Variants in FUBP3 observed in about 807,000 individuals in gnomAD.
FUBP3 encodes the protein far upstream element binding protein 3.
A neutral mutation model predicts 85.6 loss-of-function variants in FUBP3; 28 were observed. That is an observed-to-expected ratio of 0.33 (90% CI 0.24 to 0.45). The LOEUF is 0.45. Ranked by LOEUF, FUBP3 falls within the 20% of genes least tolerant of loss-of-function variation. The probability of loss-of-function intolerance (pLI) is 1.00; values close to 1 mark genes in which losing one functional copy is unlikely to be tolerated. For synonymous variants in FUBP3, 271 were observed against 271.4 expected (o/e 1.00, Z 0.01); for missense variants, 583 against 755.1 (o/e 0.77, Z 2.67).
intron 12 of FUBP3, among the ~76,000 whole-genome samples, chr9:130,629,085 T>C (rs980460827): frequency 2.6e-5 from 4 of 152,210 alleles, no homozygotes; most frequent in Non-Finnish European, 4.4e-5. Context: ...CTATTCTTTA[T>C]TGCTCCCCAA....
chr9:130,623,432 T>C (rs1242441153), intron 10 of FUBP3, among the ~76,000 whole-genome samples, 179 bp from the exon 11 acceptor site: 2 of 152,196 alleles, frequency 1.3e-5, no homozygotes, highest in Non-Finnish European at 2.9e-5. Flanking sequence ...TGCAAAACAA[T>C]ATAATGACAC....
At chr9:130,591,486 A>G (rs1262656083) in intron 1 of FUBP3, among the ~76,000 whole-genome samples, 4 of 152,102 alleles carry the variant, frequency 2.6e-5, no homozygotes, top group Non-Finnish European at 1.5e-5. Context: ...TAATTCTATT[A>G]GGCATTTAAA....
intron 1 of FUBP3, among the ~76,000 whole-genome samples, chr9:130,583,610 T>G (rs1830221267): frequency 6.6e-6 from 1 of 152,208 alleles, no homozygotes; most frequent in Admixed American, 6.5e-5. Context: ...TACACTCATT[T>G]TAGCTTTCAT....
intron 12 of FUBP3, among the ~76,000 whole-genome samples, chr9:130,629,610 T>C (rs903135359): frequency 9.2e-4 from 139 of 151,220 alleles, no homozygotes; most frequent in African/African-American, 3.2e-3. Context: ...AAGCTTGGAG[T>C]GTTTGGAGGA....
chr9:130,623,605 C>G lies in FUBP3; in HGVS notation c.875-6C>G, dbSNP rs559087762. ...TTCTAATCCTGTCTCTCACCTGGCT[C>G]CTCAGATGATGGGATTAGTCCAGAA... On this transcript the variant is annotated splice_polypyrimidine_tract_variant and splice_region_variant and intron_variant, in intron 10 of 18. Transcript: ENST00000319725. The G allele has an allele frequency of 5.0e-6, 8 of 1,587,134 alleles. No individual in the cohort carries two copies. In the South Asian group the frequency reaches 5.5e-5, roughly 11 times the overall value.
At chr9:130,613,742 A>G (rs1831866098) in intron 5 of FUBP3, among the ~76,000 whole-genome samples, 1 of 152,200 alleles carries the variant, frequency 6.6e-6, no homozygotes, top group African/African-American at 2.4e-5. Flanking sequence ...TTTAAGAAGC[A>G]AATTTTTTCA....
chr9:130,616,626 TGCAG>T lies in FUBP3; in HGVS notation c.567+110_567+113del. On this transcript the variant is annotated intron_variant, in intron 7 of 18. Coordinates refer to ENST00000319725, the MANE Select transcript of FUBP3 (RefSeq NM_003934.2). This position sits in a 1 kb window ranked among gnomAD's most constrained non-coding sequence, Gnocchi z 4.7. ...GCATTCCCTGGCTGGGCTGGCTTTGTGCAGCATTGTGCTGAGGCTTCCTTCCTCC... is the reference window on the plus strand; with the variant it reads ...GCATTCCCTGGCTGGGCTGGCTTTGTCATTGTGCTGAGGCTTCCTTCCTCC... 1 of 998,282 alleles carries T rather than the reference TGCAG, an allele frequency of 1.0e-6. No homozygotes were observed. The highest frequency in any genetic ancestry group is 1.5e-6 in the Non-Finnish European group (1 of 660,124). The allele number at this position is 998,282 out of a possible 1,614,324, so 61.8% of individuals were successfully genotyped here. A position where few individuals can be genotyped will look rare whatever the true frequency, so the allele number is the denominator to read the frequency against.
At chr9:130,603,024 G>A (rs994338262) in intron 2 of FUBP3, among the ~76,000 whole-genome samples, 1 of 152,082 alleles carries the variant, frequency 6.6e-6, no homozygotes, top group African/African-American at 2.4e-5. Context: ...AGAATCCCAA[G>A]GTAACAAAGG....
chr9:130,631,670 C>T lies in FUBP3; in HGVS notation c.1352+40C>T, dbSNP rs1349498340. 9 of 1,476,156 alleles carry T rather than the reference C, an allele frequency of 6.1e-6. No individual in the cohort carries two copies. In the Admixed American group the frequency reaches 6.7e-5, roughly 11 times the overall value. The allele number at this position is 1,476,156 out of a possible 1,614,324, so 91.4% of individuals were successfully genotyped here. A position where few individuals can be genotyped will look rare whatever the true frequency, so the allele number is the denominator to read the frequency against. On this transcript the variant is annotated intron_variant, in intron 14 of 18. Coordinates refer to ENST00000319725, the MANE Select transcript of FUBP3 (RefSeq NM_003934.2). ...TCAGTCTTGCCTGGGAGAATTCACT[C>T]GCTCCCCAGAGATCCCCTGTCGTTT...
At position 130,635,886 on chromosome 9, in the gene FUBP3, C is replaced by T. The variant is rs111500845; in HGVS notation, c.1583-113C>T. On this transcript the variant is annotated intron_variant, in intron 17 of 18. Coordinates refer to ENST00000319725, the MANE Select transcript of FUBP3 (RefSeq NM_003934.2). The surrounding 1 kb of genome is among the most constrained non-coding windows in gnomAD (Gnocchi z 4.3). ...AGCCTCACCTCACTGCCTCCCAGAC[C>T]TCCCTGCCTTCCAGCCGTCCGGAGG... 188 of 1,127,424 alleles carry T rather than the reference C, an allele frequency of 1.7e-4. 2 individuals carry two copies. In the African/African-American group the frequency reaches 2.6e-3, roughly 16 times the overall value. 69.8% of individuals were successfully genotyped at this position (1,127,424 alleles called of 1,614,324 possible). A position where few individuals can be genotyped will look rare whatever the true frequency, so the allele number is the denominator to read the frequency against.
intron 3 of FUBP3, among the ~76,000 whole-genome samples, 174 bp downstream of exon 3, chr9:130,610,161 G>T (rs1260336810): frequency 6.6e-6 from 1 of 152,174 alleles, no homozygotes; most frequent in Non-Finnish European, 1.5e-5. Flanking sequence ...TCAGCTCAGG[G>T]ATAAACTAAT....
intron 12 of FUBP3, among the ~76,000 whole-genome samples, chr9:130,628,708 T>G (rs1229129698): frequency 6.6e-6 from 1 of 152,176 alleles, no homozygotes; most frequent in Admixed American, 6.5e-5. Context: ...GCTGGTAGGG[T>G]TCCCTCGAGT....
At chr9:130,614,240 G>A (rs1831890225) in intron 5 of FUBP3, 48 bp from the exon 6 acceptor site, 1 of 1,212,122 alleles carries the variant, frequency 8.2e-7, no homozygotes, top group Non-Finnish European at 1.2e-6. Flanking sequence ...AGAGGTGCAT[G>A]TGCCCGGTGC....
chr9:130,634,661 G>T lies in FUBP3; in HGVS notation c.1511-6G>T. 1 of 1,612,346 alleles carries T rather than the reference G, an allele frequency of 6.2e-7. No individual in the cohort carries two copies. Among genetic ancestry groups the T allele is most frequent in the Non-Finnish European group, 8.5e-7 (1 of 1,179,520 alleles). On this transcript the variant is annotated splice_region_variant and splice_polypyrimidine_tract_variant and intron_variant, in intron 16 of 18. Transcript: ENST00000319725. ...AGGCCTGACTGCTTTTGTGTTCTTC[G>T]CACAGGCCAGCAGAGCCAGCCGCAG...
At chr9:130,609,866 C>T (rs1360793068) in intron 2 of FUBP3, 88 bp from the exon 3 acceptor site, 10 of 1,014,048 alleles carry the variant, frequency 9.9e-6, no homozygotes, top group Admixed American at 9.2e-5. Flanking sequence ...CTTTTCCACC[C>T]CACCCGAAAT....
chr9:130,589,730 A>ATT (rs1830533465), intron 1 of FUBP3, among the ~76,000 whole-genome samples: 5 of 72,920 alleles, frequency 6.9e-5, no homozygotes, highest in African/African-American at 8.5e-5. Context: ...TTTTTTTTTA[A>ATT]GAGACAGGGT....
chr9:130,635,758 C>T lies in FUBP3; in HGVS notation c.1583-241C>T, dbSNP rs1286124747. 3.3e-5 allele frequency: 16 copies of T among 480,616 alleles called. No individual in the cohort carries two copies. The East Asian group carries it at 4.5e-4, about 13-fold the overall frequency. The allele number at this position is 480,616 out of a possible 1,614,324, so 29.8% of individuals were successfully genotyped here. A position where few individuals can be genotyped will look rare whatever the true frequency, so the allele number is the denominator to read the frequency against. On this transcript the variant is annotated intron_variant, in intron 17 of 18. Coordinates refer to ENST00000319725, the MANE Select transcript of FUBP3 (RefSeq NM_003934.2). The surrounding 1 kb of genome is among the most constrained non-coding windows in gnomAD (Gnocchi z 4.3). The stretch of plus-strand genomic sequence containing the variant: ...CAGGGAGATGCAGAGAATGCGCTTC[C>T]GCAGAGAGAAGGCAGGCGTGAGGAT...
At chr9:130,632,773 A>G (rs987819620) in intron 16 of FUBP3, among the ~76,000 whole-genome samples, 3 of 152,210 alleles carry the variant, frequency 2.0e-5, no homozygotes, top group East Asian at 3.9e-4. Flanking sequence ...CCGCCTCTCC[A>G]GGGAGGCTGG....
intron 2 of FUBP3, among the ~76,000 whole-genome samples, chr9:130,603,690 G>A (rs12343457): frequency 0.12 from 18,858 of 152,138 alleles, 1,444 homozygotes; most frequent in East Asian, 0.24. Flanking sequence ...CAGCATCAAT[G>A]TTGTGACAAA....
Sources: allele counts gnomAD v4.1 joint callset (sites outside exome capture counted in the v4.1 genomes callset), GRCh38; gene constraint gnomAD v4.1.1; non-coding constraint Gnocchi (gnomAD v3.1); transcripts MANE v1.5; gene names NCBI Gene and HGNC (gene_info 2026-07-23, HGNC 2026-07-21).